The following PLXNB2 variants were observed in gnomAD, a reference collection of about 807,000 sequenced individuals.
The protein encoded by PLXNB2 is plexin-B2.
PLXNB2 carries 85 observed loss-of-function variants against 202.6 expected under a neutral mutation model. The observed-to-expected ratio is 0.42, with a 90% CI of 0.35 to 0.50. The LOEUF is 0.50. Ranked by LOEUF, PLXNB2 falls within the 20% of genes least tolerant of loss-of-function variation. PLXNB2 has a pLI of 0.02. For synonymous variants in PLXNB2, 1,239 were observed against 1,137.6 expected (o/e 1.09, Z -1.79); for missense variants, 2,063 against 2,586.2 (o/e 0.80, Z 4.39).
intron 1 of PLXNB2, among the ~76,000 whole-genome samples, chr22:50,304,617 G>A (rs998292783): frequency 1.3e-5 from 2 of 152,008 alleles, no homozygotes; most frequent in African/African-American, 4.8e-5. Context: ...GGGAAGCTAG[G>A]GCAGCTGCCT....
rs182582563 is a variant in PLXNB2 at position 50,286,998 on chromosome 22, G to A, written c.1762+113C>T. 273 of 1,085,790 alleles carry A rather than the reference G, an allele frequency of 2.5e-4. 2 individuals carry two copies. In the African/African-American group the frequency reaches 4.0e-3, roughly 16 times the overall value. The allele number at this position is 1,085,790 out of a possible 1,614,324, so 67.3% of individuals were successfully genotyped here. A position where few individuals can be genotyped will look rare whatever the true frequency, so the allele number is the denominator to read the frequency against. The stretch of plus-strand genomic sequence containing the variant: ...CAGGCTGGGCCCCCGGAGCAGCCGC[G>A]GAGTGTGCCTGTGCAGAGCCTGCAC... On this transcript the variant is annotated intron_variant, in intron 8 of 36. Coordinates refer to ENST00000359337, the MANE Select transcript of PLXNB2 (RefSeq NM_012401.4).
chr22:50,283,440 A>G lies in PLXNB2; in HGVS notation c.2576T>C (p.Val859Ala). The change falls in exon 16 of 37, where the codon GTG becomes GCG. Residue 859 changes from valine (V) to alanine (A), a missense_variant. Physicochemically the swap from Val to Ala is moderately conservative, Grantham distance 64. Transcript: ENST00000359337. The part of the protein sequence containing the change: ...PERYSVSTRI[V>A]CVIEAAETPF... ...CGTCTCCGCAGCCTCGATCACACACACGATCCTGGCGGGCGACAGGCAGTG... is the reference window on the plus strand; with the variant it reads ...CGTCTCCGCAGCCTCGATCACACACGCGATCCTGGCGGGCGACAGGCAGTG... 1.2e-6 allele frequency: 2 copies of G among 1,612,600 alleles called. No homozygotes were observed. The highest frequency in any genetic ancestry group is 1.7e-6 in the Non-Finnish European group (2 of 1,179,710).
At position 50,287,793 on chromosome 22, in the gene PLXNB2, T is replaced by C. The variant is rs775944505; in HGVS notation, c.1482A>G (p.Arg494=). Residue 494 remains arginine, a splice_region_variant and synonymous_variant, in exon 7 of 37, where the codon CGA becomes CGG. Coordinates refer to ENST00000359337, the MANE Select transcript of PLXNB2 (RefSeq NM_012401.4). ...PYCGWCVVEG[R]CTRKAECPRA... is the part of the protein sequence containing the mutation. Reference sequence around the variant, plus strand: ...GCGGACACTCGGCCTTCCGGGTGCATCTGCAGGCGCAGGGGGCGGCCTCAG... The same window carrying C: ...GCGGACACTCGGCCTTCCGGGTGCACCTGCAGGCGCAGGGGGCGGCCTCAG... The C allele has an allele frequency of 5.6e-6, 9 of 1,594,384 alleles. No homozygotes were observed. In the South Asian group the frequency reaches 1.0e-4, roughly 18 times the overall value.
At chr22:50,287,079 G>C in intron 8 of PLXNB2, 32 bp downstream of exon 8, 1 of 1,473,098 alleles carries the variant, frequency 6.8e-7, no homozygotes. Context: ...CGACCGAGAA[G>C]GGCCACCCGG....
chr22:50,295,900 G>A (rs1216089794), intron 1 of PLXNB2, among the ~76,000 whole-genome samples: 1 of 151,988 alleles, frequency 6.6e-6, no homozygotes, highest in Non-Finnish European at 1.5e-5. Context: ...TCAGGAGTTC[G>A]AGACCAGCCT....
At position 50,284,648 on chromosome 22, in the gene PLXNB2, C is replaced by G. The variant is rs760822851; in HGVS notation, c.2106G>C (p.Val702=). ...CCATGAACTTGAGCAAGTCACTGCC[C>G]ACGTGCAGGGAGGAACCCTGCAGAC... ...LDTVKGSSLH[V]GSDLLKFMEP... The change falls in exon 12 of 37, where the codon GTG becomes GTC. Residue 702 remains valine (V), a synonymous_variant. Transcript: ENST00000359337. The surrounding 1 kb of genome is among the most constrained non-coding windows in gnomAD (Gnocchi z 8.0). 1.9e-6 allele frequency: 3 copies of G among 1,612,704 alleles called. No individual in the cohort carries two copies. The highest frequency in any genetic ancestry group is 2.2e-5 in the East Asian group (1 of 44,886).
Position 50,284,518 on chromosome 22 carries a change from C to CCCCCCCCCGGG in PLXNB2, c.2181+54_2181+55insCCCGGGGGGGG. ...TCACAGTCCTGAAGGTGACCCCCCA[C>CCCCCCCCCGGG]CCCACCCGGGGCCCTGGGGTCCAGC... On this transcript the variant is annotated intron_variant, in intron 12 of 36. Coordinates refer to ENST00000359337, the MANE Select transcript of PLXNB2 (RefSeq NM_012401.4). The surrounding 1 kb of genome is among the most constrained non-coding windows in gnomAD (Gnocchi z 8.0). 7.3e-7 allele frequency: 1 copy of CCCCCCCCCGGG among 1,365,920 alleles called. No individual in the cohort carries two copies. Among genetic ancestry groups the CCCCCCCCCGGG allele is most frequent in the South Asian group, 1.2e-5 (1 of 81,812 alleles). 84.6% of individuals were successfully genotyped at this position (1,365,920 alleles called of 1,614,324 possible).
intron 2 of PLXNB2, among the ~76,000 whole-genome samples, chr22:50,293,545 G>C (rs112873096): frequency 6.6e-6 from 1 of 152,232 alleles, no homozygotes; most frequent in African/African-American, 2.4e-5. Context: ...GGCCCAGCTC[G>C]GTGGCAGTGG....
Position 50,277,717 on chromosome 22 carries a change from C to G in PLXNB2, c.5070G>C (p.Val1690=). The change falls in exon 33 of 37, where the codon GTG becomes GTC. Residue 1690 remains valine, a synonymous_variant. Coordinates refer to ENST00000359337, the MANE Select transcript of PLXNB2 (RefSeq NM_012401.4). Reference sequence around the variant, plus strand: ...TGAAGTGGGGGTTCTTGAGGATGTTCACCCAGAACCGGAGCGGTAAGCTGA... The same window carrying G: ...TGAAGTGGGGGTTCTTGAGGATGTTGACCCAGAACCGGAGCGGTAAGCTGA... ...KTNSLPLRFW[V]NILKNPHFIF... is the part of the protein sequence containing the mutation. The G allele has an allele frequency of 1.2e-6, 2 of 1,600,932 alleles. No individual in the cohort carries two copies. The highest frequency in any genetic ancestry group is 2.7e-5 in the African/African-American group (2 of 74,826).
At chr22:50,276,993 G>A (rs768969395) in intron 33 of PLXNB2, 87 bp from the exon 34 acceptor site, 9 of 908,932 alleles carry the variant, frequency 9.9e-6, no homozygotes, top group South Asian at 2.8e-5. Context: ...CCCCTGCCCC[G>A]AACTCCTGAC....
chr22:50,301,342 C>A (rs547192804), intron 1 of PLXNB2: 4 of 970,684 alleles, frequency 4.1e-6, no homozygotes, highest in South Asian at 4.8e-5. Context: ...GCGCAATGAA[C>A]CTACCGATGT....
Position 50,278,852 on chromosome 22 carries a change from C to T in PLXNB2, c.4546+3G>A. 1.9e-6 allele frequency: 3 copies of T among 1,608,756 alleles called. No individual in the cohort carries two copies. The highest frequency in any genetic ancestry group is 2.5e-6 in the Non-Finnish European group (3 of 1,176,784). ...GTGCAGACGGGCAGGGGCCGGCACTCACCCAGGACCACGCTGTCTGGCCTG... is the reference window on the plus strand; with the variant it reads ...GTGCAGACGGGCAGGGGCCGGCACTTACCCAGGACCACGCTGTCTGGCCTG... On this transcript the variant is annotated splice_donor_region_variant and intron_variant, in intron 28 of 36. Transcript: ENST00000359337.
chr22:50,290,949 C>A (rs1290962062), intron 2 of PLXNB2, among the ~76,000 whole-genome samples: 3 of 152,156 alleles, frequency 2.0e-5, no homozygotes, highest in African/African-American at 7.2e-5. Flanking sequence ...CACATTCATG[C>A]CCCCTGACCT....
intron 8 of PLXNB2, among the ~76,000 whole-genome samples, chr22:50,286,636 TGGGA>T (rs2066475785): frequency 6.6e-6 from 1 of 152,134 alleles, no homozygotes; most frequent in African/African-American, 2.4e-5. Flanking sequence ...GGAGTCTGAG[TGGGA>T]CCTGCCAGGT....
chr22:50,296,590 C>CAAAAAAAAA (rs34197202), intron 1 of PLXNB2, among the ~76,000 whole-genome samples: 2 of 56,434 alleles, frequency 3.5e-5, no homozygotes, highest in African/African-American at 1.4e-4. Flanking sequence ...GACTCTGTCT[C>CAAAAAAAAA]AAAAAAAAAA....
In PLXNB2 at chr22:50,289,086, G is replaced by A. The variant is rs755666760; in HGVS notation, c.1125C>T (p.Ser375=). ...CGGCTGTGCCTCTGAGCCCGTCGCG[G>A]CTGCCCAGCGGGTAGGGCAGGTGCT... ...GSEHLPYPLG[S]RDGLRGTAVL... The change falls in exon 4 of 37, where the codon AGC becomes AGT. Residue 375 remains serine, a synonymous_variant. Transcript: ENST00000359337. This position sits in a 1 kb window ranked among gnomAD's most constrained non-coding sequence, Gnocchi z 8.0. 11 of 1,598,402 alleles carry A rather than the reference G, an allele frequency of 6.9e-6. No homozygotes were observed. The highest frequency in any genetic ancestry group is 2.2e-5 in the South Asian group (2 of 90,688).
At chr22:50,304,782 C>T (rs1170579177) in intron 1 of PLXNB2, among the ~76,000 whole-genome samples, 1 of 152,112 alleles carries the variant, frequency 6.6e-6, no homozygotes, top group Non-Finnish European at 1.5e-5. Context: ...GGGCTGTGGC[C>T]AGTCCCAGCC....
At chr22:50,299,763 C>T (rs2067552695) in intron 1 of PLXNB2, among the ~76,000 whole-genome samples, 1 of 152,244 alleles carries the variant, frequency 6.6e-6, no homozygotes, top group Middle Eastern at 3.4e-3. Flanking sequence ...CCACCGGTGA[C>T]CCGGGTCAGA....
intron 1 of PLXNB2, among the ~76,000 whole-genome samples, chr22:50,301,676 C>T (rs2067697599): frequency 6.6e-6 from 1 of 152,208 alleles, no homozygotes; most frequent in African/African-American, 2.4e-5. Flanking sequence ...ATGCAGCTGG[C>T]TCAAGACCAG....
Sources: gnomAD v4.1 joint callset for allele counts (sites outside exome capture counted in the v4.1 genomes callset) on GRCh38, gnomAD v4.1.1 for gene constraint, Gnocchi (gnomAD v3.1) non-coding constraint, MANE v1.5 for transcripts, NCBI Gene and HGNC (gene_info 2026-07-23, HGNC 2026-07-21) for gene names.